CHN2: variants seen among roughly 807,000 people sequenced by gnomAD.
The protein encoded by CHN2 is beta-chimaerin.
Under a neutral mutation model 56.3 loss-of-function variants are expected in CHN2, and 35 were observed. The observed-to-expected ratio is 0.62, with a 90% CI of 0.47 to 0.82. The LOEUF (loss-of-function observed/expected upper bound fraction) is 0.82, where lower values mean the gene tolerates loss of function less well. CHN2 is among the 40% of genes least tolerant of loss of function. The pLI, the probability that CHN2 is intolerant of heterozygous loss-of-function variation, is 0.00. For missense variants in CHN2, 491 were observed against 580.5 expected (o/e 0.85, Z 1.58); for synonymous variants, 210 against 212.8 (o/e 0.99, Z 0.12).
chr7:29,332,394 G>A (rs1391874860), intron 1 of CHN2, among the ~76,000 whole-genome samples: 3 of 152,144 alleles, frequency 2.0e-5, no homozygotes, highest in African/African-American at 4.8e-5. Context: ...GACAATCCCC[G>A]ACTAGTCAGG....
chr7:29,271,807 G>C (rs765609448), intron 1 of CHN2, among the ~76,000 whole-genome samples: 11 of 152,144 alleles, frequency 7.2e-5, no homozygotes, highest in Non-Finnish European at 1.2e-4. Context: ...AGTTAAAACT[G>C]GAGTCTGATC....
chr7:29,170,189 T>C (rs1366726880), intron 2 of CHN2, among the ~76,000 whole-genome samples: 5 of 152,110 alleles, frequency 3.3e-5, no homozygotes, highest in Non-Finnish European at 7.4e-5. Flanking sequence ...GGTCCTAAGG[T>C]GCTTCCTTGG....
chr7:29,442,934 C>CT (rs541792526), intron 6 of CHN2, among the ~76,000 whole-genome samples: 11,016 of 102,976 alleles, frequency 0.11, 2,101 homozygotes, highest in African/African-American at 0.17. Flanking sequence ...CATTGAATTT[C>CT]TTTTTTTTTT....
intron 1 of CHN2, among the ~76,000 whole-genome samples, chr7:29,283,608 A>ATATTTT (rs1415165611): frequency 6.6e-6 from 1 of 152,040 alleles, no homozygotes; most frequent in Non-Finnish European, 1.5e-5. Context: ...CTTTATATTT[A>ATATTTT]TATTTTTATT....
chr7:29,337,494 ATTC>A (rs370815171), intron 1 of CHN2, among the ~76,000 whole-genome samples: 67 of 152,232 alleles, frequency 4.4e-4, no homozygotes, highest in African/African-American at 1.6e-3. Flanking sequence ...GAGGGGGTCT[ATTC>A]TTCTCACTCT....
chr7:29,318,114 G>A (rs1795086442), intron 1 of CHN2, among the ~76,000 whole-genome samples: 1 of 152,216 alleles, frequency 6.6e-6, no homozygotes, highest in Non-Finnish European at 1.5e-5. Flanking sequence ...AAGACTAGGG[G>A]TTAAAGAGAA....
At chr7:29,434,954 A>G (rs1783114516) in intron 6 of CHN2, among the ~76,000 whole-genome samples, 1 of 152,054 alleles carries the variant, frequency 6.6e-6, no homozygotes, top group Non-Finnish European at 1.5e-5. Context: ...TTAGCCAGAC[A>G]TGGTGGCATG....
At chr7:29,456,620 C>CCA (rs1554296782) in intron 6 of CHN2, among the ~76,000 whole-genome samples, 1 of 137,386 alleles carries the variant, frequency 7.3e-6, no homozygotes, top group East Asian at 2.8e-4. Context: ...CCCCCTCCCC[C>CCA]CCACCACCAC....
intron 1 of CHN2, among the ~76,000 whole-genome samples, chr7:29,282,394 GACTTTCGC>G (rs1467771122): frequency 3.3e-5 from 5 of 152,168 alleles, no homozygotes; most frequent in African/African-American, 4.8e-5. Flanking sequence ...TGTCTACATG[GACTTTCGC>G]AGACTGAAAT....
chr7:29,216,374 C>G (rs1785344382), intron 1 of CHN2, among the ~76,000 whole-genome samples: 1 of 152,228 alleles, frequency 6.6e-6, no homozygotes, highest in Non-Finnish European at 1.5e-5. Context: ...TTGCCAAAAA[C>G]TGTATCAAGT....
In CHN2 at chr7:29,494,079, C is replaced by T. The variant is rs1040397933; in HGVS notation, c.655-1873C>T. ...TCACCACACCAAGTTCTTTTGCTCC[C>T]GCAAGGCCTCCATATATTCCTTCTG... On this transcript the variant is annotated intron_variant, in intron 7 of 12. Transcript: ENST00000222792. Among the ~76,000 whole-genome samples the T allele has an allele frequency of 3.7e-4, 56 of 152,142 alleles. 1 individual carries two copies. The highest frequency in any genetic ancestry group is 3.9e-4 in the Admixed American group (6 of 15,280).
chr7:29,316,550 G>A (rs781763333), intron 1 of CHN2, among the ~76,000 whole-genome samples: 29 of 152,092 alleles, frequency 1.9e-4, no homozygotes, highest in Non-Finnish European at 3.8e-4. Context: ...AGAAATTGTC[G>A]GAGGGAATGT....
intron 1 of CHN2, among the ~76,000 whole-genome samples, chr7:29,304,722 G>A (rs1794003572): frequency 6.6e-6 from 1 of 152,202 alleles, no homozygotes; most frequent in South Asian, 2.1e-4. Context: ...CAAACTGTGT[G>A]CTATGTTCTA....
intron 1 of CHN2, among the ~76,000 whole-genome samples, chr7:29,213,480 C>T (rs1192349904): frequency 6.6e-6 from 1 of 152,148 alleles, no homozygotes; most frequent in Non-Finnish European, 1.5e-5. Flanking sequence ...TAGAAGCTGT[C>T]TCTGGCTATA....
At chr7:29,465,923 G>A (rs1336027296) in intron 6 of CHN2, among the ~76,000 whole-genome samples, 1 of 152,186 alleles carries the variant, frequency 6.6e-6, no homozygotes, top group Non-Finnish European at 1.5e-5. Flanking sequence ...AATATTACAG[G>A]CCGAGCGCAG....
intron 1 of CHN2, among the ~76,000 whole-genome samples, chr7:29,312,130 G>A (rs769367769): frequency 1.3e-5 from 2 of 152,158 alleles, no homozygotes; most frequent in Non-Finnish European, 2.9e-5. Flanking sequence ...GTCAGTGGTC[G>A]AATCATGACT....
chr7:29,300,610 G>A (rs536176138), intron 1 of CHN2, among the ~76,000 whole-genome samples: 1 of 152,242 alleles, frequency 6.6e-6, no homozygotes, highest in African/African-American at 2.4e-5. Context: ...GGTCAAATTT[G>A]TAAAGCTAAA....
intron 2 of CHN2, among the ~76,000 whole-genome samples, chr7:29,355,163 G>T (rs1410858108): frequency 6.6e-6 from 1 of 151,878 alleles, no homozygotes; most frequent in Admixed American, 6.6e-5. Flanking sequence ...TAGAGACGAG[G>T]TTTCTCCATG....
chr7:29,219,442 T>C (rs1012444421), intron 1 of CHN2, among the ~76,000 whole-genome samples: 1 of 152,074 alleles, frequency 6.6e-6, no homozygotes, highest in East Asian at 1.9e-4. Context: ...GAACAAAGAA[T>C]AGGTGTGATA....
Sources: gnomAD v4.1 joint callset for allele counts (sites outside exome capture counted in the v4.1 genomes callset) on GRCh38, gnomAD v4.1.1 for gene constraint, MANE v1.5 for transcripts, NCBI Gene and HGNC (gene_info 2026-07-23, HGNC 2026-07-21) for gene names.